Variants in C12orf56 observed in about 807,000 individuals in gnomAD.
The protein encoded by C12orf56 is uncharacterized protein C12orf56.
In C12orf56, 71 loss-of-function variants were observed where a neutral mutation model predicts 69.9. The ratio of observed to expected loss-of-function variants is 1.02; its 90% confidence interval spans 0.84 to 1.24. C12orf56 has a LOEUF of 1.24. Among genes scored for constraint, C12orf56 ranks in the 50% most tolerant of loss-of-function variants. The pLI is 0.00. For missense variants in C12orf56, 732 were observed against 738.5 expected (o/e 0.99, Z 0.10); for synonymous variants, 276 against 274.1 (o/e 1.01, Z -0.07).
intron 8 of C12orf56, among the ~76,000 whole-genome samples, chr12:64,279,726 T>C (rs1274111244): frequency 6.6e-6 from 1 of 152,222 alleles, no homozygotes; most frequent in Non-Finnish European, 1.5e-5. Flanking sequence ...AGAAGAATCA[T>C]GTCAGTTAGT....
rs1393104899 is a variant in C12orf56, at chr12:64,390,445, C to G, written c.121G>C (p.Val41Leu). ...DAVRAYEPCI[V>L]VSNSENHILK... Reference sequence around the variant, plus strand: ...ATGTGGTTCTCAGAGTTGGACACCACGATGCATGGCTCGTAGGCGCGGACC... The same window carrying G: ...ATGTGGTTCTCAGAGTTGGACACCAGGATGCATGGCTCGTAGGCGCGGACC... Residue 41 changes from valine to leucine, a missense_variant, in exon 1 of 13, where the codon GTG (valine) becomes CTG (leucine). Transcript: ENST00000543942. 1.2e-6 allele frequency: 2 copies of G among 1,611,196 alleles called. No individual in the cohort carries two copies. The highest frequency in any genetic ancestry group is 1.7e-5 in the Admixed American group (1 of 60,006).
At chr12:64,375,191 G>A (rs1198765204) in intron 1 of C12orf56, among the ~76,000 whole-genome samples, 1 of 151,906 alleles carries the variant, frequency 6.6e-6, no homozygotes, top group Non-Finnish European at 1.5e-5. Flanking sequence ...CTGAGTAGCT[G>A]GCAGTACAGG....
chr12:64,353,088 A>G, intron 1 of C12orf56, 32 bp from the exon 2 acceptor site: 1 of 1,595,336 alleles, frequency 6.3e-7, no homozygotes, highest in Non-Finnish European at 8.5e-7. Flanking sequence ...CTCATTGAAG[A>G]CAAATACAAC....
chr12:64,294,432 C>T (rs73327147), intron 6 of C12orf56, among the ~76,000 whole-genome samples: 1 of 152,176 alleles, frequency 6.6e-6, no homozygotes, highest in African/African-American at 2.4e-5. Context: ...ATGGAAGCAA[C>T]CCATTGACAG....
chr12:64,349,866 G>A (rs567644029), intron 2 of C12orf56, among the ~76,000 whole-genome samples: 20 of 152,268 alleles, frequency 1.3e-4, no homozygotes, highest in Non-Finnish European at 2.6e-4. Context: ...GGCCAAGGCA[G>A]GCATATCACA....
At chr12:64,348,294 AG>A (rs1391930578) in intron 2 of C12orf56, among the ~76,000 whole-genome samples, 1 of 152,134 alleles carries the variant, frequency 6.6e-6, no homozygotes, top group African/African-American at 2.4e-5. Flanking sequence ...AAGCAGGGGT[AG>A]GGGGGTATTA....
At chr12:64,315,765 C>A (rs546603990) in intron 4 of C12orf56, among the ~76,000 whole-genome samples, 2 of 152,202 alleles carry the variant, frequency 1.3e-5, no homozygotes, top group African/African-American at 4.8e-5. Context: ...AACCCTGTCT[C>A]TACTAAAATA....
At position 64,366,202 on chromosome 12, in the gene C12orf56, T is replaced by TTGTATAATATATAGTTTATATATTA. The variant is rs1322831894; in HGVS notation, c.253-13147_253-13146insTAATATATAAACTATATATTATACA. 2.9e-4 allele frequency among the ~76,000 whole-genome samples: 34 copies of TTGTATAATATATAGTTTATATATTA among 117,786 alleles called. 3 individuals carry two copies. The highest frequency in any genetic ancestry group is 5.3e-4 in the Non-Finnish European group (33 of 61,708). 77.3% of individuals were successfully genotyped at this position (117,786 alleles called of 152,430 possible). A position where few individuals can be genotyped will look rare whatever the true frequency, so the allele number is the denominator to read the frequency against. On this transcript the variant is annotated intron_variant, in intron 1 of 12. Coordinates refer to ENST00000543942, the MANE Select transcript of C12orf56 (RefSeq NM_001170633.2). ...TTATATATTATGTATAATATATAGCTTGTATAATATACAGTTTATATATTA... is the reference window on the plus strand; with the variant it reads ...TTATATATTATGTATAATATATAGCTTGTATAATATATAGTTTATATATTATGTATAATATACAGTTTATATATTA...
At position 64,270,559 on chromosome 12, in the gene C12orf56, C is replaced by T. The variant is rs751008276; in HGVS notation, c.1740G>A (p.Arg580=). Residue 580 remains arginine, a synonymous_variant, in exon 12 of 13, where the codon AGG becomes AGA. Coordinates refer to ENST00000543942, the MANE Select transcript of C12orf56 (RefSeq NM_001170633.2). ...RHSRTLAEYI[R]NNYREEFRYF... ...ACCTGAATTCTTCTCTGTAGTTATT[C>T]CTAATATACTCAGCTAGAGTCCTGC... The T allele has an allele frequency of 1.9e-6, 3 of 1,593,216 alleles. No individual in the cohort carries two copies. The highest frequency in any genetic ancestry group is 2.6e-6 in the Non-Finnish European group (3 of 1,172,824).
chr12:64,378,591 AC>A (rs1265707122), intron 1 of C12orf56, among the ~76,000 whole-genome samples: 3 of 152,068 alleles, frequency 2.0e-5, no homozygotes, highest in African/African-American at 7.2e-5. Flanking sequence ...GTGCCAAGAC[AC>A]CCAGCTAATT....
At chr12:64,308,940 G>GAAAGAAAGAAAGAAAGAAAAAAGA (rs35488127) in intron 5 of C12orf56, among the ~76,000 whole-genome samples, 6 of 80,828 alleles carry the variant, frequency 7.4e-5, no homozygotes, top group South Asian at 4.7e-4. Context: ...AAGAAAGAAA[G>GAAAGAAAGAAAGAAAGAAAAAAGA]AAGAAAGAAA....
chr12:64,270,284 C>A (rs887619152), intron 12 of C12orf56, among the ~76,000 whole-genome samples: 1 of 151,892 alleles, frequency 6.6e-6, no homozygotes, highest in African/African-American at 2.4e-5. Flanking sequence ...GCCTGTAATC[C>A]CAACTACTCA....
At chr12:64,360,579 T>G (rs1040263934) in intron 1 of C12orf56, among the ~76,000 whole-genome samples, 2 of 152,192 alleles carry the variant, frequency 1.3e-5, no homozygotes, top group Non-Finnish European at 2.9e-5. Flanking sequence ...ATTTTAAAAT[T>G]TTCTAACTGT....
chr12:64,304,775 C>T (rs1008471482), intron 5 of C12orf56, among the ~76,000 whole-genome samples: 4 of 152,164 alleles, frequency 2.6e-5, no homozygotes, highest in Non-Finnish European at 5.9e-5. Flanking sequence ...GCTGGCTCCA[C>T]TGTGGGGACC....
intron 1 of C12orf56, among the ~76,000 whole-genome samples, chr12:64,369,100 C>T (rs2039535006): frequency 6.7e-6 from 1 of 148,640 alleles, no homozygotes; most frequent in Admixed American, 6.9e-5. Context: ...AGGAGGATCG[C>T]TTGAGGCCAA....
chr12:64,297,469 G>A (rs1164928266), intron 6 of C12orf56, among the ~76,000 whole-genome samples: 2 of 151,912 alleles, frequency 1.3e-5, no homozygotes, highest in Non-Finnish European at 2.9e-5. Context: ...ATGCCATGGT[G>A]GTTTGCTGCA....
intron 1 of C12orf56, among the ~76,000 whole-genome samples, chr12:64,383,789 C>T (rs752561587): frequency 3.9e-5 from 6 of 152,086 alleles, no homozygotes; most frequent in Non-Finnish European, 5.9e-5. Flanking sequence ...GAGCTTTGTC[C>T]TTTGTTATAC....
chr12:64,351,547 C>T lies in C12orf56; in HGVS notation c.415+1347G>A, dbSNP rs1052711531. Among the ~76,000 whole-genome samples, 8 of 152,226 alleles carry T rather than the reference C, an allele frequency of 5.3e-5. No individual in the cohort carries two copies. In the East Asian group the frequency reaches 7.7e-4, roughly 15 times the overall value. ...CATGGCATAAATGAAGGGAACTCGA[C>T]GGCTACTGACAGCAGGGGATATAGG... On this transcript the variant is annotated intron_variant, in intron 2 of 12. Transcript: ENST00000543942.
chr12:64,338,542 G>A (rs1565763365), intron 2 of C12orf56: 3 of 1,390,424 alleles, frequency 2.2e-6, no homozygotes, highest in Non-Finnish European at 2.0e-6. Flanking sequence ...CCCTCACTCT[G>A]AGGACTTTGA....
Sources: allele counts gnomAD v4.1 joint callset (sites outside exome capture counted in the v4.1 genomes callset), GRCh38; gene constraint gnomAD v4.1.1; transcripts MANE v1.5; gene names NCBI Gene and HGNC (gene_info 2026-07-23, HGNC 2026-07-21).